CACNA1E: variants seen among roughly 807,000 people sequenced by gnomAD.
CACNA1E encodes voltage-dependent R-type calcium channel subunit alpha-1E.
CACNA1E carries 40 observed loss-of-function variants against 259.2 expected under a neutral mutation model. The ratio of observed to expected loss-of-function variants is 0.15; its 90% confidence interval spans 0.12 to 0.20. The LOEUF (loss-of-function observed/expected upper bound fraction) is 0.20, where lower values mean the gene tolerates loss of function less well. CACNA1E is among the 10% of genes least tolerant of loss of function. The pLI, the probability that CACNA1E is intolerant of heterozygous loss-of-function variation, is 1.00. For missense variants in CACNA1E, 1,874 were observed against 3,040.1 expected, an observed-to-expected ratio of 0.62 and a Z score of 9.02; for synonymous variants, 1,104 against 1,138.5, an observed-to-expected ratio of 0.97 and a Z score of 0.61.
At chr1:181,424,954 C>CCCA (rs1243638933) in intron 2 of CACNA1E, among the ~76,000 whole-genome samples, 1 of 152,206 alleles carries the variant, frequency 6.6e-6, no homozygotes, top group Admixed American at 6.5e-5. Context: ...ATGGCCATAT[C>CCCA]TGTAGAAGGA....
rs758480605 is a variant in CACNA1E, at chr1:181,724,467, C to T, written c.2075-3C>T. 4 of 1,612,638 alleles carry T rather than the reference C, an allele frequency of 2.5e-6. No homozygotes were observed. Among genetic ancestry groups the T allele is most frequent in the East Asian group, 2.2e-5 (1 of 44,872 alleles). ...TTTGCCCATCCTTAATTCATCACCC[C>T]AGACACGCTACTGAATGTGTTCTTG... On this transcript the variant is annotated splice_region_variant and splice_polypyrimidine_tract_variant and intron_variant, in intron 16 of 47. Transcript: ENST00000367573.
At chr1:181,631,846 G>A (rs1331054630) in intron 6 of CACNA1E, among the ~76,000 whole-genome samples, 1 of 152,126 alleles carries the variant, frequency 6.6e-6, no homozygotes, top group Non-Finnish European at 1.5e-5. Context: ...ATCCTTTGTG[G>A]GAGACACATG....
chr1:181,542,608 C>T (rs1418054866), intron 3 of CACNA1E, among the ~76,000 whole-genome samples: 1 of 151,970 alleles, frequency 6.6e-6, no homozygotes, highest in East Asian at 1.9e-4. Flanking sequence ...CTTCTCCTTC[C>T]TGCTGCCTTG....
At chr1:181,796,488 AT>A (rs1260197610) in intron 46 of CACNA1E, among the ~76,000 whole-genome samples, 179 bp from the exon 47 acceptor site, 8 of 152,082 alleles carry the variant, frequency 5.3e-5, no homozygotes, top group Non-Finnish European at 1.0e-4. Context: ...CTGCCTCCTA[AT>A]ACCATACCAT....
chr1:181,693,800 A>C (rs1038632914), intron 7 of CACNA1E, among the ~76,000 whole-genome samples: 3 of 152,224 alleles, frequency 2.0e-5, no homozygotes, highest in Non-Finnish European at 4.4e-5. Context: ...TAAAAGTTGA[A>C]ATAAAGAAAA....
At chr1:181,389,781 T>C (rs925961202) in intron 1 of CACNA1E, among the ~76,000 whole-genome samples, 1 of 152,208 alleles carries the variant, frequency 6.6e-6, no homozygotes, top group Non-Finnish European at 1.5e-5. Context: ...TCTTTGTTAC[T>C]GGGGCTGCTG....
intron 6 of CACNA1E, among the ~76,000 whole-genome samples, chr1:181,606,743 A>T (rs115119586): frequency 6.6e-6 from 1 of 152,184 alleles, no homozygotes; most frequent in African/African-American, 2.4e-5. Flanking sequence ...TGTTTTACCC[A>T]TGCTGGCTTG....
intron 2 of CACNA1E, among the ~76,000 whole-genome samples, chr1:181,448,950 A>G (rs1254095524): frequency 1.3e-5 from 2 of 152,250 alleles, no homozygotes; most frequent in Non-Finnish European, 2.9e-5. Flanking sequence ...GTTGACTGGC[A>G]CAGAACGGCC....
rs148170775 is a variant in CACNA1E, at chr1:181,491,334, G to A, written c.266+7324G>A. Among the ~76,000 whole-genome samples, 265 of 152,316 alleles carry A rather than the reference G, an allele frequency of 1.7e-3. 2 individuals are homozygous for A. The highest frequency in any genetic ancestry group is 4.5e-3 in the African/African-American group (186 of 41,564). ...TCAACCTGTGTCTCAGAATCACCTG[G>A]AGGGCTTGTTAAAATACAGATTACT... On this transcript the variant is annotated intron_variant, in intron 1 of 47. Transcript: ENST00000367573.
At chr1:181,358,860 G>A (rs1486395079) in intron 1 of CACNA1E, among the ~76,000 whole-genome samples, 1 of 152,158 alleles carries the variant, frequency 6.6e-6, no homozygotes, top group African/African-American at 2.4e-5. Flanking sequence ...GCATATGCCA[G>A]CCATGTTCCT....
chr1:181,749,794 A>G (rs2102650852), intron 25 of CACNA1E, among the ~76,000 whole-genome samples: 1 of 152,378 alleles, frequency 6.6e-6, no homozygotes, highest in Middle Eastern at 3.4e-3. Context: ...CAAGCTGCAC[A>G]GTATGCTCAC....
chr1:181,476,579 G>GGCACC (rs1164348903), intron 2 of CACNA1E, among the ~76,000 whole-genome samples: 9 of 152,306 alleles, frequency 5.9e-5, no homozygotes, highest in Admixed American at 3.9e-4. Flanking sequence ...ATCCAACCTG[G>GGCACC]GCACCTTCTC....
At chr1:181,783,019 C>T (rs1251273788) in intron 39 of CACNA1E, among the ~76,000 whole-genome samples, 6 of 152,170 alleles carry the variant, frequency 3.9e-5, no homozygotes, top group Admixed American at 1.3e-4. Context: ...CACCCTTCCT[C>T]GTTCTGTCTC....
upstream of CACNA1E, among the ~76,000 whole-genome samples, chr1:181,478,881 G>C (rs1332308018): frequency 1.3e-5 from 2 of 152,234 alleles, no homozygotes; most frequent in Non-Finnish European, 2.9e-5. Context: ...GGGGCAGTGT[G>C]GACACCTTGT....
At chr1:181,725,015 T>A (rs1654768024) in intron 17 of CACNA1E, among the ~76,000 whole-genome samples, 1 of 152,246 alleles carries the variant, frequency 6.6e-6, no homozygotes, top group South Asian at 2.1e-4. Flanking sequence ...GAAATTTCAA[T>A]GAAGCCAGAT....
At chr1:181,634,286 C>G (rs1422716849) in intron 6 of CACNA1E, among the ~76,000 whole-genome samples, 1 of 152,178 alleles carries the variant, frequency 6.6e-6, no homozygotes, top group Non-Finnish European at 1.5e-5. Context: ...AGCACATTCT[C>G]CCCTCCCTGG....
intron 2 of CACNA1E, among the ~76,000 whole-genome samples, chr1:181,456,512 C>T (rs1661469894): frequency 6.6e-6 from 1 of 152,108 alleles, no homozygotes; most frequent in African/African-American, 2.4e-5. Flanking sequence ...CTTTCCATAC[C>T]TCCTCCTCAG....
intron 1 of CACNA1E, among the ~76,000 whole-genome samples, chr1:181,503,114 G>A (rs1220636150): frequency 6.6e-6 from 1 of 152,242 alleles, no homozygotes; most frequent in African/African-American, 2.4e-5. Context: ...GACCATGAGG[G>A]ATGCAGACAC....
chr1:181,476,869 G>C (rs977785061), intron 2 of CACNA1E, among the ~76,000 whole-genome samples: 2 of 152,168 alleles, frequency 1.3e-5, no homozygotes, highest in East Asian at 3.9e-4. Flanking sequence ...TGAGCAGCAA[G>C]GTTGGGCCCT....
Sources: gnomAD v4.1 joint callset for allele counts (sites outside exome capture counted in the v4.1 genomes callset) on GRCh38, gnomAD v4.1.1 for gene constraint, MANE v1.5 for transcripts, NCBI Gene and HGNC (gene_info 2026-07-23, HGNC 2026-07-21) for gene names.